Variants in GRID2 observed in about 807,000 individuals in gnomAD.
GRID2 encodes the protein glutamate ionotropic receptor delta type subunit 2.
A neutral mutation model predicts 114.8 loss-of-function variants in GRID2; 33 were observed. The ratio of observed to expected loss-of-function variants is 0.29; its 90% CI spans 0.22 to 0.38. The LOEUF is 0.38. Ranked by LOEUF, GRID2 falls within the 10% of genes least tolerant of loss-of-function variation. The pLI is 1.00. For missense variants in GRID2, 1,184 were observed against 1,257.7 expected (o/e 0.94, Z 0.89); for synonymous variants, 505 against 449.9 (o/e 1.12, Z -1.55).
intron 2 of GRID2, among the ~76,000 whole-genome samples, chr4:92,658,801 A>G (rs867474997): frequency 1.2e-5 from 1 of 83,604 alleles, no homozygotes; most frequent in African/African-American, 3.8e-5. Context: ...GTGTATATAT[A>G]TATATATATA....
intron 2 of GRID2, among the ~76,000 whole-genome samples, chr4:92,890,869 C>T (rs911071073): frequency 1.3e-5 from 2 of 152,224 alleles, no homozygotes; most frequent in African/African-American, 2.4e-5. Context: ...AACCAAAATG[C>T]CCATCAATGA....
At chr4:93,253,110 G>T (rs1278748442) in intron 8 of GRID2, among the ~76,000 whole-genome samples, 1 of 106,474 alleles carries the variant, frequency 9.4e-6, no homozygotes, top group African/African-American at 3.7e-5. Flanking sequence ...AAAAAAATTA[G>T]CTGGGTGTGG....
exon 2 of GRID2, chr4:93,807,294 C>T (rs1043019037): frequency 6.6e-6 from 1 of 152,184 alleles, no homozygotes; most frequent in Non-Finnish European, 1.5e-5. Flanking sequence ...TCTAGGGAGA[C>T]ATGAAGGACC....
chr4:93,501,052 G>A (rs1197745170), intron 12 of GRID2, among the ~76,000 whole-genome samples: 1 of 151,970 alleles, frequency 6.6e-6, no homozygotes, highest in African/African-American at 2.4e-5. Flanking sequence ...AGTGCCTTAT[G>A]TAGTGTATTG....
At chr4:93,705,773 A>T (rs1727946432) in intron 14 of GRID2, among the ~76,000 whole-genome samples, 1 of 152,046 alleles carries the variant, frequency 6.6e-6, no homozygotes, top group South Asian at 2.1e-4. Context: ...AATGTTATAG[A>T]GTTTTTCCAG....
At chr4:92,772,254 G>A (rs946462594) in intron 2 of GRID2, among the ~76,000 whole-genome samples, 1 of 152,158 alleles carries the variant, frequency 6.6e-6, no homozygotes. Context: ...CAGAAGGAAA[G>A]TGAAATGGAT....
intron 2 of GRID2, among the ~76,000 whole-genome samples, chr4:93,013,812 A>G (rs1393724732): frequency 6.6e-6 from 1 of 152,008 alleles, no homozygotes; most frequent in Non-Finnish European, 1.5e-5. Flanking sequence ...ATATATATAT[A>G]TCTCACATAT....
intron 8 of GRID2, among the ~76,000 whole-genome samples, chr4:93,246,504 G>A (rs761757053): frequency 2.0e-5 from 3 of 151,040 alleles, no homozygotes; most frequent in Non-Finnish European, 4.4e-5. Context: ...GGAGAATGGC[G>A]TGAACCTGGG....
At chr4:92,574,562 A>T (rs975213069) in intron 1 of GRID2, among the ~76,000 whole-genome samples, 3 of 151,530 alleles carry the variant, frequency 2.0e-5, no homozygotes, top group Non-Finnish European at 4.4e-5. Flanking sequence ...TTATGAAAGG[A>T]TCTCCTCTCC....
At chr4:92,873,263 C>T (rs1745402287) in intron 2 of GRID2, among the ~76,000 whole-genome samples, 1 of 152,078 alleles carries the variant, frequency 6.6e-6, no homozygotes, top group Non-Finnish European at 1.5e-5. Context: ...TTTTCACAGA[C>T]TCATTTACTG....
intron 14 of GRID2, among the ~76,000 whole-genome samples, chr4:93,703,138 C>A (rs1185605462): frequency 2.6e-5 from 4 of 152,054 alleles, no homozygotes; most frequent in Admixed American, 6.6e-5. Flanking sequence ...TGACATCAAG[C>A]ATGTATTCAT....
intron 2 of GRID2, among the ~76,000 whole-genome samples, chr4:92,927,950 A>T (rs1212411766): frequency 2.6e-5 from 4 of 151,720 alleles, no homozygotes; most frequent in Non-Finnish European, 5.9e-5. Context: ...CAGTGCTAAT[A>T]TTCTTTGGAT....
At chr4:92,872,386 C>T (rs1455288749) in intron 2 of GRID2, among the ~76,000 whole-genome samples, 1 of 151,900 alleles carries the variant, frequency 6.6e-6, no homozygotes, top group Non-Finnish European at 1.5e-5. Context: ...TAACAAAAAT[C>T]AAGCTTAATT....
At chr4:93,678,609 T>G (rs1169713612) in intron 14 of GRID2, among the ~76,000 whole-genome samples, 1 of 151,192 alleles carries the variant, frequency 6.6e-6, no homozygotes, top group Non-Finnish European at 1.5e-5. Context: ...CAAAAGAGAG[T>G]GGGGGCCAAT....
chr4:92,870,078 G>C (rs1369892648), intron 2 of GRID2, among the ~76,000 whole-genome samples: 2 of 151,810 alleles, frequency 1.3e-5, no homozygotes, highest in Non-Finnish European at 2.9e-5. Flanking sequence ...GTTCATGCCT[G>C]TATTCCTAGC....
intron 2 of GRID2, among the ~76,000 whole-genome samples, chr4:93,024,989 A>G (rs895489697): frequency 1.3e-5 from 2 of 151,782 alleles, no homozygotes; most frequent in African/African-American, 4.8e-5. Flanking sequence ...TAATCCATAT[A>G]AGTGCATATT....
intron 10 of GRID2, among the ~76,000 whole-genome samples, chr4:93,424,027 T>C (rs1768595911): frequency 6.6e-6 from 1 of 152,168 alleles, no homozygotes; most frequent in Non-Finnish European, 1.5e-5. Context: ...TATGCCTTCT[T>C]AACTTACTAC....
intron 4 of GRID2, among the ~76,000 whole-genome samples, chr4:93,202,335 A>G (rs1348966606): frequency 4.6e-5 from 7 of 152,170 alleles, no homozygotes; most frequent in South Asian, 4.1e-4. Context: ...AATTCACACA[A>G]TGAGCCCAAA....
At chr4:93,405,108 A>G (rs1438409939) in intron 9 of GRID2, among the ~76,000 whole-genome samples, 1 of 152,138 alleles carries the variant, frequency 6.6e-6, no homozygotes, top group African/African-American at 2.4e-5. Flanking sequence ...CATTTTTATT[A>G]TTGAAACAGT....
Sources: gnomAD v4.1 joint callset for allele counts (sites outside exome capture counted in the v4.1 genomes callset) on GRCh38, gnomAD v4.1.1 for gene constraint, MANE v1.5 for transcripts, NCBI Gene and HGNC (gene_info 2026-07-23, HGNC 2026-07-21) for gene names.